ADAMTS12: variants seen among roughly 807,000 people sequenced by gnomAD.
ADAMTS12 encodes the protein A disintegrin and metalloproteinase with thrombospondin motifs 12.
Under a neutral mutation model 167.8 loss-of-function variants are expected in ADAMTS12, and 118 were observed. The observed-to-expected ratio is 0.70, with a 90% CI of 0.61 to 0.82. The LOEUF (loss-of-function observed/expected upper bound fraction) is 0.82, where lower values mean the gene tolerates loss of function less well. Among genes scored for constraint, ADAMTS12 ranks in the 40% least tolerant of loss-of-function variants. The pLI, the probability that ADAMTS12 is intolerant of heterozygous loss-of-function variation, is 0.00. For missense variants in ADAMTS12, 1,916 were observed against 1,998.8 expected (o/e 0.96, Z 0.79); for synonymous variants, 704 against 716.9 (o/e 0.98, Z 0.29).
chr5:33,824,967 G>A (rs1375929581), intron 2 of ADAMTS12, among the ~76,000 whole-genome samples: 3 of 152,148 alleles, frequency 2.0e-5, no homozygotes, highest in African/African-American at 7.2e-5. Flanking sequence ...CCACTGGAAG[G>A]AGAGTTATTT....
chr5:33,618,493 T>C (rs1739141023), intron 14 of ADAMTS12, among the ~76,000 whole-genome samples: 2 of 152,224 alleles, frequency 1.3e-5, no homozygotes, highest in African/African-American at 4.8e-5. Flanking sequence ...GAAGAGTCCA[T>C]GTCATATAAG....
At chr5:33,536,716 G>A (rs1251381622) in intron 22 of ADAMTS12, among the ~76,000 whole-genome samples, 1 of 152,112 alleles carries the variant, frequency 6.6e-6, no homozygotes, top group Non-Finnish European at 1.5e-5. Context: ...CTCTTCTAAG[G>A]AACTTCAACC....
At chr5:33,539,190 C>CT (rs1744564077) in intron 22 of ADAMTS12, among the ~76,000 whole-genome samples, 1 of 152,198 alleles carries the variant, frequency 6.6e-6, no homozygotes, top group South Asian at 2.1e-4. Context: ...GATCCACCTG[C>CT]TTCGGCCTCC....
intron 3 of ADAMTS12, among the ~76,000 whole-genome samples, chr5:33,690,118 C>A (rs1742497681): frequency 6.6e-6 from 1 of 152,210 alleles, no homozygotes; most frequent in Admixed American, 6.5e-5. Context: ...CCTTCCCCAG[C>A]AGAGTCAAAC....
At chr5:33,558,334 T>C (rs540405848) in intron 20 of ADAMTS12, among the ~76,000 whole-genome samples, 9 of 152,290 alleles carry the variant, frequency 5.9e-5, no homozygotes, top group Admixed American at 2.0e-4. Context: ...TATTATCTAA[T>C]AAAAGAGACA....
At chr5:33,729,408 T>G (rs894510383) in intron 3 of ADAMTS12, among the ~76,000 whole-genome samples, 1 of 152,232 alleles carries the variant, frequency 6.6e-6, no homozygotes, top group Non-Finnish European at 1.5e-5. Flanking sequence ...TGGCTGCATC[T>G]TATTGGTTGA....
intron 5 of ADAMTS12, among the ~76,000 whole-genome samples, chr5:33,668,799 T>C (rs552810459): frequency 6.6e-6 from 1 of 152,312 alleles, no homozygotes; most frequent in East Asian, 1.9e-4. Flanking sequence ...AGGATTCTAA[T>C]CAGATACTTA....
chr5:33,733,801 C>G (rs562298437), intron 3 of ADAMTS12, among the ~76,000 whole-genome samples: 5 of 152,132 alleles, frequency 3.3e-5, no homozygotes, highest in Non-Finnish European at 7.4e-5. Context: ...GCTGCCAGCT[C>G]TGATAACAGA....
At chr5:33,780,264 G>A (rs1746077421) in intron 2 of ADAMTS12, among the ~76,000 whole-genome samples, 1 of 152,124 alleles carries the variant, frequency 6.6e-6, no homozygotes, top group African/African-American at 2.4e-5. Flanking sequence ...ATTTCTGTCA[G>A]TCAAGGTTAA....
At chr5:33,672,274 C>A (rs1242979800) in intron 5 of ADAMTS12, among the ~76,000 whole-genome samples, 5 of 142,178 alleles carry the variant, frequency 3.5e-5, no homozygotes, top group African/African-American at 1.3e-4. Context: ...AGCCCCACAC[C>A]CCCACATACA....
rs1379176045 is a variant in ADAMTS12, at chr5:33,614,292, T to A, written c.2473A>T (p.Met825Leu). 1 of 1,614,138 alleles carries A rather than the reference T, an allele frequency of 6.2e-7. No homozygotes were observed. Among genetic ancestry groups the A allele is most frequent in the South Asian group, 1.1e-5 (1 of 91,088 alleles). ...DGLDNDVEQQ[M>L]YFWQYGHWTE... is the part of the protein sequence containing the mutation. ...CAGTGGCCGTACTGCCAGAAGTACA[T>A]CTGCTGCTCAACATCATTGTCAAGG... is the stretch of plus-strand genomic sequence containing the variant. The change falls in exon 16 of 24, where the codon ATG becomes TTG. Residue 825 changes from methionine to leucine, a missense_variant. Coordinates refer to ENST00000504830, the MANE Select transcript of ADAMTS12 (RefSeq NM_030955.4).
At chr5:33,610,592 T>C (rs1415803833) in intron 16 of ADAMTS12, among the ~76,000 whole-genome samples, 1 of 152,236 alleles carries the variant, frequency 6.6e-6, no homozygotes, top group Admixed American at 6.5e-5. Flanking sequence ...GGAGACTGTA[T>C]GACCTAGGCA....
chr5:33,701,663 A>T (rs1743009051), intron 3 of ADAMTS12, among the ~76,000 whole-genome samples: 1 of 152,204 alleles, frequency 6.6e-6, no homozygotes, highest in African/African-American at 2.4e-5. Flanking sequence ...TGGCAAAGGT[A>T]TCTTGAGATT....
At chr5:33,880,702 T>A (rs972221286) in intron 2 of ADAMTS12, among the ~76,000 whole-genome samples, 4 of 152,260 alleles carry the variant, frequency 2.6e-5, no homozygotes, top group African/African-American at 7.2e-5. Context: ...GAGTCAACTA[T>A]TATATCACAG....
At chr5:33,890,365 G>T (rs954757740) in intron 1 of ADAMTS12, among the ~76,000 whole-genome samples, 7 of 152,176 alleles carry the variant, frequency 4.6e-5, no homozygotes, top group Admixed American at 6.5e-5. Flanking sequence ...TATCTGGACC[G>T]TTTACACAAG....
intron 19 of ADAMTS12, among the ~76,000 whole-genome samples, chr5:33,575,761 C>T (rs536644563): frequency 3.3e-5 from 5 of 152,284 alleles, no homozygotes; most frequent in Non-Finnish European, 5.9e-5. Context: ...TACACAACAT[C>T]CTTCAGAATT....
chr5:33,667,648 G>T (rs9292503), intron 5 of ADAMTS12, among the ~76,000 whole-genome samples: 52,415 of 151,972 alleles, frequency 0.34, 9,046 homozygotes, highest in South Asian at 0.41. Flanking sequence ...CCTTATGAAT[G>T]ACAGCACTCA....
chr5:33,707,578 C>T (rs1743246924), intron 3 of ADAMTS12, among the ~76,000 whole-genome samples: 1 of 152,186 alleles, frequency 6.6e-6, no homozygotes, highest in Non-Finnish European at 1.5e-5. Flanking sequence ...GTTACCAAAA[C>T]AGCATGGCAC....
chr5:33,809,063 A>C (rs1337906229), intron 2 of ADAMTS12, among the ~76,000 whole-genome samples: 1 of 152,182 alleles, frequency 6.6e-6, no homozygotes, highest in East Asian at 1.9e-4. Context: ...TTATTGAAGT[A>C]ATTTTTCCGC....
Sources: gnomAD v4.1 joint callset for allele counts (sites outside exome capture counted in the v4.1 genomes callset) on GRCh38, gnomAD v4.1.1 for gene constraint, MANE v1.5 for transcripts, NCBI Gene and HGNC (gene_info 2026-07-23, HGNC 2026-07-21) for gene names.